ATE1: variants seen among roughly 807,000 people sequenced by gnomAD.
ATE1 encodes the protein arginyltransferase 1.
Under a neutral mutation model 70.5 loss-of-function variants are expected in ATE1, and 36 were observed. The ratio of observed to expected loss-of-function variants is 0.51; its 90% confidence interval spans 0.39 to 0.67. ATE1 has a LOEUF of 0.67. ATE1 is among the 30% of genes least tolerant of loss of function. The pLI is 0.00. For missense variants in ATE1, 593 were observed against 629.5 expected (o/e 0.94, Z 0.62); for synonymous variants, 232 against 219.3 (o/e 1.06, Z -0.51).
At chr10:121,761,271 C>T (rs1945027894) in intron 11 of ATE1, among the ~76,000 whole-genome samples, 2 of 152,164 alleles carry the variant, frequency 1.3e-5, no homozygotes, top group Non-Finnish European at 2.9e-5. Flanking sequence ...AACTACCCAG[C>T]CTCAGATACT....
chr10:121,786,639 C>CA (rs34356088), intron 11 of ATE1, among the ~76,000 whole-genome samples: 48,475 of 148,990 alleles, frequency 0.33, 7,911 homozygotes, highest in Middle Eastern at 0.37. Flanking sequence ...AGCCTGGCCT[C>CA]AAAAAAAAAA....
chr10:121,832,799 C>T (rs1948295231), intron 10 of ATE1, among the ~76,000 whole-genome samples: 1 of 152,184 alleles, frequency 6.6e-6, no homozygotes, highest in Non-Finnish European at 1.5e-5. Flanking sequence ...AAGTAAAAGA[C>T]AAGTGTCCGC....
chr10:121,842,180 AT>A (rs1304429763), intron 8 of ATE1, among the ~76,000 whole-genome samples: 1 of 152,186 alleles, frequency 6.6e-6, no homozygotes, highest in Non-Finnish European at 1.5e-5. Flanking sequence ...TATTATCTTA[AT>A]TTAACTATAA....
chr10:121,876,060 T>C (rs1347711072), intron 7 of ATE1, among the ~76,000 whole-genome samples: 2 of 152,208 alleles, frequency 1.3e-5, no homozygotes, highest in Non-Finnish European at 2.9e-5. Context: ...CTCTCAAAAA[T>C]GGCAGAAAAT....
chr10:121,920,032 G>A (rs974048446), intron 3 of ATE1, among the ~76,000 whole-genome samples: 15 of 151,962 alleles, frequency 9.9e-5, no homozygotes, highest in African/African-American at 3.6e-4. Flanking sequence ...CAGCTTTGAG[G>A]ACCAAACAAA....
chr10:121,758,932 C>T (rs1029794979), intron 11 of ATE1, among the ~76,000 whole-genome samples: 1 of 151,968 alleles, frequency 6.6e-6, no homozygotes, highest in Non-Finnish European at 1.5e-5. Flanking sequence ...CACAGACCTG[C>T]CCTTCTGCTG....
intron 5 of ATE1, among the ~76,000 whole-genome samples, chr10:121,905,833 G>A (rs536711747): frequency 2.8e-5 from 4 of 141,348 alleles, no homozygotes; most frequent in Admixed American, 1.5e-4. Context: ...GCAACACAGC[G>A]AGACTCTGTC....
intron 8 of ATE1, among the ~76,000 whole-genome samples, chr10:121,850,323 T>A (rs1232032371): frequency 6.6e-6 from 1 of 152,182 alleles, no homozygotes; most frequent in Non-Finnish European, 1.5e-5. Flanking sequence ...TCCAACTCTC[T>A]ATACTCTCCT....
chr10:121,826,817 T>C lies in ATE1; in HGVS notation c.1257+9901A>G, dbSNP rs568079157. Among the ~76,000 whole-genome samples, 5 of 152,258 alleles carry C rather than the reference T, an allele frequency of 3.3e-5. No homozygotes were observed. In the South Asian group the frequency reaches 6.2e-4, roughly 19 times the overall value. On this transcript the variant is annotated intron_variant, in intron 10 of 11. Transcript: ENST00000224652. ...CCAATGTCTACTGTTCCTCTCTTTT[T>C]AGTTCATGTGTATCTAATGTCTAGC...
intron 11 of ATE1, 141 bp downstream of exon 11, chr10:121,790,028 T>TCACA: frequency 2.8e-6 from 1 of 352,904 alleles, no homozygotes; most frequent in Non-Finnish European, 3.8e-6. Context: ...TTCCTCTATC[T>TCACA]TACACACACA....
intron 11 of ATE1, among the ~76,000 whole-genome samples, chr10:121,744,142 G>A (rs952369595): frequency 2.4e-4 from 36 of 151,258 alleles, no homozygotes; most frequent in Admixed American, 2.0e-3. Context: ...AGGCTGTCTC[G>A]AACTCCTAAC....
chr10:121,763,682 A>C (rs1945152012), intron 11 of ATE1, among the ~76,000 whole-genome samples: 1 of 152,198 alleles, frequency 6.6e-6, no homozygotes, highest in Non-Finnish European at 1.5e-5. Context: ...CATACATGTC[A>C]TTAGACACTT....
At chr10:121,912,235 G>A (rs2134448535) in intron 4 of ATE1, among the ~76,000 whole-genome samples, 1 of 152,176 alleles carries the variant, frequency 6.6e-6, no homozygotes, top group East Asian at 1.9e-4. Flanking sequence ...TTGCATTTTG[G>A]TATCTTTTTG....
intron 11 of ATE1, among the ~76,000 whole-genome samples, chr10:121,745,182 C>T (rs1944299081): frequency 6.6e-6 from 1 of 152,164 alleles, no homozygotes; most frequent in South Asian, 2.1e-4. Flanking sequence ...ACTCCTAATC[C>T]TAAAGAATAT....
intron 8 of ATE1, among the ~76,000 whole-genome samples, chr10:121,848,871 A>C (rs1948946307): frequency 6.6e-6 from 1 of 151,880 alleles, no homozygotes; most frequent in Admixed American, 6.6e-5. Flanking sequence ...GGATCACGCC[A>C]CTGCACTCCA....
At position 121,834,539 on chromosome 10, in the gene ATE1, T is replaced by C. The variant is rs186659943; in HGVS notation, c.1257+2179A>G. On this transcript the variant is annotated intron_variant, in intron 10 of 11. Coordinates refer to ENST00000224652, the MANE Select transcript of ATE1 (RefSeq NM_001001976.3). The stretch of plus-strand genomic sequence containing the variant: ...ATAGGGTATTTTTAAAATCTTTAAC[T>C]TAAAACTATACACAGGCTGGCTTGA... Among the ~76,000 whole-genome samples, 544 of 152,222 alleles carry C rather than the reference T, an allele frequency of 3.6e-3. 6 individuals are homozygous for C. Among genetic ancestry groups the C allele is most frequent in the African/African-American group, 0.013 (523 of 41,554 alleles).
intron 11 of ATE1, among the ~76,000 whole-genome samples, chr10:121,788,102 G>C (rs1946287303): frequency 6.6e-6 from 1 of 152,166 alleles, no homozygotes; most frequent in African/African-American, 2.4e-5. Context: ...GGACTAGACT[G>C]ACTGACCCTA....
At chr10:121,846,904 G>A (rs1028897436) in intron 8 of ATE1, among the ~76,000 whole-genome samples, 14 of 151,988 alleles carry the variant, frequency 9.2e-5, no homozygotes, top group Non-Finnish European at 1.5e-4. Flanking sequence ...AAGCAGGTGA[G>A]CAAAAAGAAG....
In ATE1 at chr10:121,924,339, T is replaced by C. The variant is rs1181424211; in HGVS notation, c.107-10A>G. The C allele has an allele frequency of 5.0e-6, 8 of 1,612,532 alleles. No homozygotes were observed. In the South Asian group the frequency reaches 7.7e-5, roughly 15 times the overall value. On this transcript the variant is annotated splice_polypyrimidine_tract_variant and intron_variant, in intron 1 of 11. Transcript: ENST00000224652. Reference sequence around the variant, plus strand: ...GAATGTGCCCACATGCCTGAAAAAATAAGTAGTGTGTTAATTACGGCAGGG... The same window carrying C: ...GAATGTGCCCACATGCCTGAAAAAACAAGTAGTGTGTTAATTACGGCAGGG...
Sources: gnomAD v4.1 joint callset for allele counts (sites outside exome capture counted in the v4.1 genomes callset) on GRCh38, gnomAD v4.1.1 for gene constraint, MANE v1.5 for transcripts, NCBI Gene and HGNC (gene_info 2026-07-23, HGNC 2026-07-21) for gene names.